The following JAZF1 variants were observed in gnomAD, a reference collection of about 807,000 sequenced individuals.
JAZF1 encodes the protein JAZF zinc finger 1.
In JAZF1, 8 loss-of-function variants were observed where a neutral mutation model predicts 26.4. The ratio of observed to expected loss-of-function variants is 0.30; its 90% CI spans 0.18 to 0.55. The LOEUF is 0.55. Ranked by LOEUF, JAZF1 falls within the 20% of genes least tolerant of loss-of-function variation. JAZF1 has a pLI of 0.94. For synonymous variants in JAZF1, 126 were observed against 122.3 expected (o/e 1.03, Z -0.20); for missense variants, 199 against 322.0 (o/e 0.62, Z 2.92).
chr7:27,847,125 A>AT (rs1783045262), intron 3 of JAZF1, among the ~76,000 whole-genome samples: 1 of 148,654 alleles, frequency 6.7e-6, no homozygotes, highest in African/African-American at 2.5e-5. Context: ...CACCACAGGC[A>AT]TGCACCACCC....
chr7:28,001,018 T>C (rs1239852076), intron 1 of JAZF1, among the ~76,000 whole-genome samples: 1 of 152,154 alleles, frequency 6.6e-6, no homozygotes, highest in Non-Finnish European at 1.5e-5. Flanking sequence ...TTTAAGTCAG[T>C]AGGTTCACAA....
At chr7:28,002,026 G>A (rs992201198) in intron 1 of JAZF1, among the ~76,000 whole-genome samples, 3 of 152,134 alleles carry the variant, frequency 2.0e-5, no homozygotes, top group Non-Finnish European at 2.9e-5. Flanking sequence ...GGAACTCAAA[G>A]GGGAGATAAA....
At chr7:28,105,731 C>T (rs1311810108) in intron 1 of JAZF1, among the ~76,000 whole-genome samples, 1 of 152,226 alleles carries the variant, frequency 6.6e-6, no homozygotes, top group African/African-American at 2.4e-5. Flanking sequence ...CCTCTCATCT[C>T]ATTGCATTGA....
At chr7:28,126,954 G>A (rs938467203) in intron 1 of JAZF1, among the ~76,000 whole-genome samples, 6 of 152,136 alleles carry the variant, frequency 3.9e-5, no homozygotes, top group African/African-American at 1.4e-4. Flanking sequence ...TTCTTAAACT[G>A]ATCTCCCCTA....
rs556627624 is a variant in JAZF1, at chr7:28,133,785, T to TG, written c.115+46677dup. ...TCAACTTGCTCCTGCCTTAGGCCTTTGCTGCTTCCTCTGAGAAACAGTCTT... is the reference window on the plus strand; with the variant it reads ...TCAACTTGCTCCTGCCTTAGGCCTTTGGCTGCTTCCTCTGAGAAACAGTCTT... On this transcript the variant is annotated intron_variant, in intron 1 of 4. Transcript: ENST00000283928. Among the ~76,000 whole-genome samples the TG allele has an allele frequency of 1.1e-3, 167 of 152,344 alleles. 1 individual carries two copies. The highest frequency in any genetic ancestry group is 3.8e-3 in the African/African-American group (159 of 41,574).
rs768485297 is a variant in JAZF1 at position 27,977,861 on chromosome 7, C to G, written c.188+14048G>C. Among the ~76,000 whole-genome samples, 3 of 152,314 alleles carry G rather than the reference C, an allele frequency of 2.0e-5. No individual in the cohort carries two copies. In the South Asian group the frequency reaches 6.2e-4, roughly 32 times the overall value. ...CAGTAAGGACATTGTCCTCAGACAG[C>G]GAGGGCCAGGTAGGTGATCATGGGG... is the stretch of plus-strand genomic sequence containing the variant. On this transcript the variant is annotated intron_variant, in intron 2 of 4. Transcript: ENST00000283928.
intron 1 of JAZF1, among the ~76,000 whole-genome samples, chr7:28,166,797 A>C (rs1321834558): frequency 6.6e-6 from 1 of 152,262 alleles, no homozygotes; most frequent in Admixed American, 6.5e-5. Flanking sequence ...ATGTTTTAAC[A>C]GCTCATGAAT....
At chr7:28,050,790 T>C (rs1052111444) in intron 1 of JAZF1, among the ~76,000 whole-genome samples, 7 of 152,200 alleles carry the variant, frequency 4.6e-5, no homozygotes, top group South Asian at 4.1e-4. Flanking sequence ...ATTTTACATA[T>C]GCTTTCTTTT....
chr7:27,874,738 G>A (rs1056899854), intron 3 of JAZF1, among the ~76,000 whole-genome samples: 2 of 133,542 alleles, frequency 1.5e-5, no homozygotes, highest in East Asian at 2.1e-4. Context: ...TGGGGAAATC[G>A]CTAGCAGCCT....
At chr7:27,891,003 T>C (rs573412587) in intron 3 of JAZF1, among the ~76,000 whole-genome samples, 1 of 152,112 alleles carries the variant, frequency 6.6e-6, no homozygotes, top group South Asian at 2.1e-4. Context: ...TTGGCCAGGC[T>C]CATCTCGAAC....
intron 1 of JAZF1, among the ~76,000 whole-genome samples, chr7:28,175,804 C>T (rs1181654105): frequency 2.6e-5 from 4 of 152,212 alleles, no homozygotes; most frequent in Non-Finnish European, 5.9e-5. Flanking sequence ...TCATACACAT[C>T]AGCCACGAAA....
chr7:27,996,613 C>T (rs1255679383), intron 1 of JAZF1, among the ~76,000 whole-genome samples: 1 of 152,156 alleles, frequency 6.6e-6, no homozygotes, highest in African/African-American at 2.4e-5. Context: ...CTTGTGAAGC[C>T]ACAGAGTTGT....
intron 1 of JAZF1, among the ~76,000 whole-genome samples, chr7:28,134,227 T>C (rs958301429): frequency 6.6e-6 from 1 of 152,230 alleles, no homozygotes; most frequent in African/African-American, 2.4e-5. Context: ...TTCAAAGGCA[T>C]AGCCAATAAT....
chr7:27,877,993 C>T (rs987629696), intron 3 of JAZF1, among the ~76,000 whole-genome samples: 8 of 152,190 alleles, frequency 5.3e-5, no homozygotes, highest in Admixed American at 3.3e-4. Context: ...ATTTTTCTTC[C>T]TCTCTGTGGT....
intron 2 of JAZF1, among the ~76,000 whole-genome samples, chr7:27,908,327 C>G (rs1784298494): frequency 1.3e-5 from 2 of 152,152 alleles, no homozygotes. Context: ...AATAATAAGA[C>G]AGTAAAACTA....
intron 1 of JAZF1, among the ~76,000 whole-genome samples, chr7:28,066,602 CAAAAAAAAAAA>C (rs911062551): frequency 6.6e-4 from 21 of 31,766 alleles, no homozygotes; most frequent in East Asian, 4.5e-3. Context: ...GACTCCATCT[CAAAAAAAAAAA>C]AAAAAAAAAA....
At chr7:27,908,610 A>C (rs180904955) in intron 2 of JAZF1, among the ~76,000 whole-genome samples, 21 of 152,360 alleles carry the variant, frequency 1.4e-4, no homozygotes, top group African/African-American at 4.8e-4. Context: ...GCTCAGGCTA[A>C]ACTTTGAAAT....
At chr7:28,171,347 C>T (rs1349847029) in intron 1 of JAZF1, among the ~76,000 whole-genome samples, 1 of 152,330 alleles carries the variant, frequency 6.6e-6, no homozygotes, top group East Asian at 1.9e-4. Context: ...TGATGCAAAC[C>T]TACAGAAATT....
At chr7:28,097,594 G>C (rs934856928) in intron 1 of JAZF1, among the ~76,000 whole-genome samples, 2 of 152,218 alleles carry the variant, frequency 1.3e-5, no homozygotes, top group African/African-American at 4.8e-5. Flanking sequence ...GTGTTCTGAA[G>C]CAAGAAATGG....
Sources: gnomAD v4.1 joint callset for allele counts (sites outside exome capture counted in the v4.1 genomes callset) on GRCh38, gnomAD v4.1.1 for gene constraint, MANE v1.5 for transcripts, NCBI Gene and HGNC (gene_info 2026-07-23, HGNC 2026-07-21) for gene names.